Variants in CLMN observed in about 807,000 individuals in gnomAD.
CLMN encodes the protein calmin.
A neutral mutation model predicts 92.7 loss-of-function variants in CLMN; 57 were observed. The observed-to-expected ratio is 0.61, with a 90% CI of 0.50 to 0.77. CLMN has a LOEUF of 0.77. CLMN is among the 30% of genes least tolerant of loss of function. The probability of loss-of-function intolerance (pLI) is 0.00; values close to 1 mark genes in which losing one functional copy is unlikely to be tolerated. For synonymous variants in CLMN, 466 were observed against 470.6 expected (o/e 0.99, Z 0.13); for missense variants, 1,158 against 1,237.5 (o/e 0.94, Z 0.96).
chr14:95,221,479 G>A (rs772179081), intron 4 of CLMN, among the ~76,000 whole-genome samples: 1 of 152,214 alleles, frequency 6.6e-6, no homozygotes, highest in Non-Finnish European at 1.5e-5. Flanking sequence ...TAATCCTGAT[G>A]GCTGCAAAGT....
At chr14:95,293,147 T>C (rs1327024255) in intron 1 of CLMN, among the ~76,000 whole-genome samples, 80 of 54,202 alleles carry the variant, frequency 1.5e-3, no homozygotes, top group South Asian at 0.014. Context: ...TTCCCTCCCT[T>C]CTTCCCTCCT....
chr14:95,307,267 C>T (rs1226021160), intron 1 of CLMN, among the ~76,000 whole-genome samples: 3 of 152,218 alleles, frequency 2.0e-5, no homozygotes, highest in Non-Finnish European at 2.9e-5. Flanking sequence ...CACATTCATG[C>T]ATTCAACAAT....
chr14:95,216,838 G>A (rs1897365237), intron 4 of CLMN, among the ~76,000 whole-genome samples: 1 of 152,150 alleles, frequency 6.6e-6, no homozygotes, highest in East Asian at 1.9e-4. Flanking sequence ...TATCACGTGG[G>A]ACCCCCATGT....
chr14:95,196,349 G>T (rs1443884241), intron 10 of CLMN, 149 bp downstream of exon 10: 1 of 788,368 alleles, frequency 1.3e-6, no homozygotes. Context: ...GGGAACCCAG[G>T]TGTAGAGAAT....
chr14:95,301,250 C>T (rs905374813), intron 1 of CLMN, among the ~76,000 whole-genome samples: 63 of 152,158 alleles, frequency 4.1e-4, no homozygotes, highest in African/African-American at 1.4e-3. Flanking sequence ...CTTGTGTGTC[C>T]GAGAGTGGGG....
chr14:95,255,407 G>T (rs1898957061), intron 1 of CLMN, among the ~76,000 whole-genome samples: 2 of 152,144 alleles, frequency 1.3e-5, no homozygotes, highest in South Asian at 4.2e-4. Context: ...TCATTACAGG[G>T]TCTTGTTATC....
intron 9 of CLMN, among the ~76,000 whole-genome samples, chr14:95,200,993 A>G (rs1482011205): frequency 7.8e-6 from 1 of 128,978 alleles, no homozygotes; most frequent in Non-Finnish European, 1.6e-5. Context: ...AGAGAACATC[A>G]CATACCGGGG....
intron 9 of CLMN, among the ~76,000 whole-genome samples, chr14:95,200,246 G>A (rs954246026): frequency 2.0e-5 from 3 of 151,602 alleles, no homozygotes; most frequent in Non-Finnish European, 4.4e-5. Context: ...TCCTTCTGTT[G>A]AACTCCTGAA....
At chr14:95,205,372 G>C (rs1897017721) in intron 8 of CLMN, among the ~76,000 whole-genome samples, 1 of 152,114 alleles carries the variant, frequency 6.6e-6, no homozygotes, top group Admixed American at 6.6e-5. Context: ...GACCCATATA[G>C]GACCCGGAGT....
intron 8 of CLMN, 125 bp downstream of exon 8, chr14:95,209,270 G>C: frequency 1.3e-6 from 1 of 797,990 alleles, no homozygotes; most frequent in Non-Finnish European, 2.2e-6. Flanking sequence ...CAAGGGACTT[G>C]GGAGCAACTG....
intron 1 of CLMN, among the ~76,000 whole-genome samples, chr14:95,237,926 C>T (rs1204726949): frequency 6.6e-6 from 1 of 152,200 alleles, no homozygotes; most frequent in Non-Finnish European, 1.5e-5. Flanking sequence ...GTCCTTGGCT[C>T]ACATCAGCCA....
chr14:95,275,640 C>A (rs1455086796), intron 1 of CLMN, among the ~76,000 whole-genome samples: 2 of 152,172 alleles, frequency 1.3e-5, no homozygotes, highest in African/African-American at 4.8e-5. Context: ...GACCACACTG[C>A]CTATTGGAGT....
rs1898994446 is a variant in CLMN at position 95,256,240 on chromosome 14, G to C, written c.83-26107C>G. Among the ~76,000 whole-genome samples, 1 of 152,198 alleles carries C rather than the reference G, an allele frequency of 6.6e-6. No homozygotes were observed. The highest frequency in any genetic ancestry group is 1.5e-5 in the Non-Finnish European group (1 of 68,038). The stretch of plus-strand genomic sequence containing the variant: ...CCCGCCACCCACTCCTCGGCACCCA[G>C]TTGGGAAGGACTTCACAGCACTCCC... On this transcript the variant is annotated intron_variant, in intron 1 of 12. Coordinates refer to ENST00000298912, the MANE Select transcript of CLMN (RefSeq NM_024734.4). The surrounding 1 kb of genome is among the most constrained non-coding windows in gnomAD (Gnocchi z 4.9).
rs146404452 is a variant in CLMN, at chr14:95,285,818, C to T, written c.82+33893G>A. On this transcript the variant is annotated intron_variant, in intron 1 of 12. Transcript: ENST00000298912. ...TGGATAAGGTATAAGCTCCATGGTA[C>T]GGCCACACCCTCCACTCATGTCCAC... Among the ~76,000 whole-genome samples, 348 of 152,216 alleles carry T rather than the reference C, an allele frequency of 2.3e-3. 2 individuals carry two copies. Among genetic ancestry groups the T allele is most frequent in the African/African-American group, 7.9e-3 (328 of 41,546 alleles).
intron 1 of CLMN, among the ~76,000 whole-genome samples, chr14:95,317,235 G>C (rs1901822744): frequency 6.6e-6 from 1 of 152,172 alleles, no homozygotes; most frequent in Non-Finnish European, 1.5e-5. Context: ...GAGTACCACA[G>C]GAGCAAGGAG....
chr14:95,212,904 G>A (rs1022983070), intron 6 of CLMN, among the ~76,000 whole-genome samples: 1 of 151,318 alleles, frequency 6.6e-6, no homozygotes, highest in African/African-American at 2.4e-5. Flanking sequence ...TCCTGCCTCA[G>A]CCTCCCGAGT....
At chr14:95,199,369 A>C (rs1290658875) in intron 9 of CLMN, 1 of 152,252 alleles carries the variant, frequency 6.6e-6, no homozygotes, top group African/African-American at 2.4e-5. Context: ...GACTACTCGA[A>C]CCAGACTTTT....
intron 1 of CLMN, among the ~76,000 whole-genome samples, chr14:95,252,865 ATG>A (rs1272625411): frequency 1.3e-5 from 2 of 152,208 alleles, no homozygotes; most frequent in African/African-American, 4.8e-5. Flanking sequence ...GGGAGGACAC[ATG>A]GGGAGCTTTG....
chr14:95,199,008 G>T (rs545128923), intron 9 of CLMN: 13 of 152,246 alleles, frequency 8.5e-5, no homozygotes, highest in Admixed American at 8.5e-4. Context: ...GGAAGAGGGG[G>T]AAGATGGCAG....
Sources: allele counts gnomAD v4.1 joint callset (sites outside exome capture counted in the v4.1 genomes callset), GRCh38; gene constraint gnomAD v4.1.1; non-coding constraint Gnocchi (gnomAD v3.1); transcripts MANE v1.5; gene names NCBI Gene and HGNC (gene_info 2026-07-23, HGNC 2026-07-21).